Variants in NFX1 observed in about 807,000 individuals in gnomAD.
NFX1 encodes the protein nuclear transcription factor, X-box binding 1, also known as transcriptional repressor NF-X1.
Under a neutral mutation model 137.2 loss-of-function variants are expected in NFX1, and 69 were observed. The ratio of observed to expected loss-of-function variants is 0.50; its 90% confidence interval spans 0.41 to 0.61. NFX1 has a LOEUF of 0.61. NFX1 is among the 20% of genes least tolerant of loss of function. NFX1 has a pLI of 0.00. For missense variants in NFX1, 1,167 were observed against 1,391.0 expected (o/e 0.84, Z 2.56); for synonymous variants, 495 against 474.1 (o/e 1.04, Z -0.57).
chr9:33,367,110 C>G (rs191681244), intron 22 of NFX1, among the ~76,000 whole-genome samples: 3 of 152,330 alleles, frequency 2.0e-5, no homozygotes, highest in South Asian at 4.1e-4. Flanking sequence ...TCTGTCTGTC[C>G]TCTCCTTGGC....
chr9:33,355,322 G>C (rs1564145163), intron 19 of NFX1, among the ~76,000 whole-genome samples: 2 of 152,174 alleles, frequency 1.3e-5, no homozygotes, highest in Non-Finnish European at 2.9e-5. Context: ...ATACAGTTGA[G>C]TATGGATACA....
intron 13 of NFX1, among the ~76,000 whole-genome samples, 157 bp from the exon 14 acceptor site, chr9:33,343,896 CTTTAATAAAATAAAAG>C: frequency 6.6e-6 from 1 of 152,230 alleles, no homozygotes; most frequent in Non-Finnish European, 1.5e-5. Context: ...ACCAGCTTAG[CTTTAATAAAATAAAAG>C]TTTAATAAAA....
chr9:33,338,463 C>G, intron 11 of NFX1, 47 bp from the exon 12 acceptor site: 1 of 1,500,494 alleles, frequency 6.7e-7, no homozygotes, highest in South Asian at 1.2e-5. Flanking sequence ...TATGAATGTT[C>G]ATATCCTTTG....
rs536511924 is a variant in NFX1 at position 33,294,993 on chromosome 9, C to T, written c.599C>T (p.Pro200Leu). Residue 200 changes from proline (P) to leucine (L), a missense_variant, in exon 2 of 24, where the codon CCG (proline) becomes CTG (leucine). By Grantham distance (98) the Pro-to-Leu change is moderately conservative (BLOSUM62 -3). Transcript: ENST00000379540. The stretch of plus-strand genomic sequence containing the variant: ...TGGAGTAACCGAACAACTCCAAAAC[C>T]GGAGGATGCTGGACCCGAAAGTACC... ...CEWSNRTTPK[P>L]EDAGPESTKP... 53 of 1,614,080 alleles carry T rather than the reference C, an allele frequency of 3.3e-5. No homozygotes were observed. The Middle Eastern group carries it at 4.9e-4, about 15-fold the overall frequency.
intron 9 of NFX1, among the ~76,000 whole-genome samples, chr9:33,328,264 A>G (rs1822670619): frequency 6.6e-6 from 1 of 151,134 alleles, no homozygotes. Flanking sequence ...GGGTCAAGCG[A>G]TCCTCCCACC....
At chr9:33,334,640 T>A (rs983343185) in intron 11 of NFX1, among the ~76,000 whole-genome samples, 1 of 152,198 alleles carries the variant, frequency 6.6e-6, no homozygotes, top group African/African-American at 2.4e-5. Context: ...CATAGTTTTG[T>A]TTTTCCCTAG....
At chr9:33,313,883 A>G in intron 7 of NFX1, 90 bp downstream of exon 7, 1 of 1,356,532 alleles carries the variant, frequency 7.4e-7, no homozygotes, top group Non-Finnish European at 1.0e-6. Flanking sequence ...TTGGTGTCAG[A>G]CTTTTAGTCA....
chr9:33,339,200 A>T (rs565111570), intron 12 of NFX1, among the ~76,000 whole-genome samples: 31 of 152,146 alleles, frequency 2.0e-4, no homozygotes, highest in Non-Finnish European at 3.8e-4. Flanking sequence ...TCACACTGTC[A>T]GTAAAGACAT....
At chr9:33,344,031 CAG>C in intron 13 of NFX1, 36 bp from the exon 14 acceptor site, 1 of 1,612,796 alleles carries the variant, frequency 6.2e-7, no homozygotes, top group South Asian at 1.1e-5. Flanking sequence ...ATCCCAAACT[CAG>C]AAAGGATTCT....
intron 6 of NFX1, among the ~76,000 whole-genome samples, chr9:33,311,876 C>T (rs1294851895): frequency 6.6e-6 from 1 of 151,964 alleles, no homozygotes; most frequent in Admixed American, 6.6e-5. Context: ...TTTAACCTCT[C>T]TAAGTGGGTG....
At chr9:33,335,796 T>C (rs1306465688) in intron 11 of NFX1, among the ~76,000 whole-genome samples, 1 of 152,246 alleles carries the variant, frequency 6.6e-6, no homozygotes, top group Non-Finnish European at 1.5e-5. Context: ...GGAGTCACAA[T>C]ATATATTCTT....
intron 9 of NFX1, among the ~76,000 whole-genome samples, chr9:33,326,538 G>C (rs1822596835): frequency 1.3e-5 from 2 of 151,594 alleles, no homozygotes; most frequent in Non-Finnish European, 1.5e-5. Flanking sequence ...GGGCAACGTA[G>C]TGAGATTTAA....
At chr9:33,369,734 G>T (rs181250490) in intron 23 of NFX1, among the ~76,000 whole-genome samples, 172 bp from the exon 24 acceptor site, 169 of 152,062 alleles carry the variant, frequency 1.1e-3, no homozygotes, top group African/African-American at 4.0e-3. Flanking sequence ...AAACACAAAA[G>T]TTAAAAAAAT....
At position 33,294,401 on chromosome 9, in the gene NFX1, T is replaced by G; in HGVS notation, c.26-19T>G. The G allele has an allele frequency of 2.0e-6, 3 of 1,528,908 alleles. No homozygotes were observed. The highest frequency in any genetic ancestry group is 2.6e-6 in the Non-Finnish European group (3 of 1,142,166). The allele number at this position is 1,528,908 out of a possible 1,614,324, so 94.7% of individuals were successfully genotyped here. ...GAAGTTTAATCTCTTTACTGGCATG[T>G]CTATTTTTTATGTCCTAGGTACTTT... On this transcript the variant is annotated intron_variant, in intron 1 of 23. Transcript: ENST00000379540.
At position 33,300,065 on chromosome 9, in the gene NFX1, A is replaced by ATT. The variant is rs34826491; in HGVS notation, c.1034-1173_1034-1172dup. ...TGTAAAATGGTACCTATGTTATAGC[A>ATT]TTTTTTTTTTTTTTTTTTTTTTTTT... On this transcript the variant is annotated intron_variant, in intron 2 of 23. Coordinates refer to ENST00000379540, the MANE Select transcript of NFX1 (RefSeq NM_002504.6). 1.4e-3 allele frequency among the ~76,000 whole-genome samples: 140 copies of ATT among 100,266 alleles called. 2 individuals are homozygous for ATT. The highest frequency in any genetic ancestry group is 5.4e-3 in the Middle Eastern group (1 of 184). 65.8% of individuals were successfully genotyped at this position (100,266 alleles called of 152,430 possible). A position where few individuals can be genotyped will look rare whatever the true frequency, so the allele number is the denominator to read the frequency against.
At chr9:33,317,621 A>G (rs895753992) in intron 7 of NFX1, among the ~76,000 whole-genome samples, 1 of 151,488 alleles carries the variant, frequency 6.6e-6, no homozygotes, top group Admixed American at 6.6e-5. Flanking sequence ...CTGTGTTCAC[A>G]CCACTGTACT....
chr9:33,315,680 A>C (rs1822134836), intron 7 of NFX1, among the ~76,000 whole-genome samples: 2 of 150,522 alleles, frequency 1.3e-5, no homozygotes, highest in Admixed American at 1.3e-4. Flanking sequence ...TGAGCCTAGG[A>C]GTTTGAGACC....
At position 33,361,897 on chromosome 9, in the gene NFX1, C is replaced by T. The variant is rs1365241857; in HGVS notation, c.2874-2113C>T. On this transcript the variant is annotated intron_variant, in intron 19 of 23. Coordinates refer to ENST00000379540, the MANE Select transcript of NFX1 (RefSeq NM_002504.6). Reference sequence around the variant, plus strand: ...CCAGCATTTGGGTGGCTGAGGCCAGCGGATCACTTGAGCTCAGGAGTTCAA... The same window carrying T: ...CCAGCATTTGGGTGGCTGAGGCCAGTGGATCACTTGAGCTCAGGAGTTCAA... Among the ~76,000 whole-genome samples, 5 of 150,460 alleles carry T rather than the reference C, an allele frequency of 3.3e-5. No individual in the cohort carries two copies. The East Asian group carries it at 5.9e-4, about 18-fold the overall frequency.
chr9:33,344,254 T>G (rs642157), intron 14 of NFX1, 66 bp downstream of exon 14: 2 of 1,603,506 alleles, frequency 1.2e-6, no homozygotes, highest in East Asian at 4.5e-5. Flanking sequence ...CCTGCTGTGT[T>G]ACTGTCTTCA....
Sources: allele counts gnomAD v4.1 joint callset (sites outside exome capture counted in the v4.1 genomes callset), GRCh38; gene constraint gnomAD v4.1.1; transcripts MANE v1.5; gene names NCBI Gene and HGNC (gene_info 2026-07-23, HGNC 2026-07-21).